CCDC171: variants seen among roughly 807,000 people sequenced by gnomAD.
CCDC171 encodes the protein coiled-coil domain containing 171.
Under a neutral mutation model 168.2 loss-of-function variants are expected in CCDC171, and 177 were observed. That is an observed-to-expected ratio of 1.05 (90% CI 0.93 to 1.19). The LOEUF (loss-of-function observed/expected upper bound fraction) is 1.19, where lower values mean the gene tolerates loss of function less well. Ranked by LOEUF, CCDC171 falls within the 50% of genes most tolerant of loss-of-function variation. The pLI, the probability that CCDC171 is intolerant of heterozygous loss-of-function variation, is 0.00. For synonymous variants in CCDC171, 687 were observed against 540.8 expected (o/e 1.27, Z -3.75); for missense variants, 1,991 against 1,539.0 (o/e 1.29, Z -4.91).
At position 15,972,506 on chromosome 9, in the gene CCDC171, A is replaced by T. The variant is rs1831450305; in HGVS notation, c.*670A>T. On this transcript the variant is annotated 3_prime_UTR_variant, in exon 26 of 26. Transcript: ENST00000380701. ...AATCTGGTCCCTGAAGGCACTGAAA[A>T]CTCATTCTTTTAGCAAGTCTGCATT... The T allele has an allele frequency of 6.6e-6, 1 of 152,138 alleles. No homozygotes were observed. Among genetic ancestry groups the T allele is most frequent in the South Asian group, 2.1e-4 (1 of 4,832 alleles). 9.4% of individuals were successfully genotyped at this position (152,138 alleles called of 1,614,324 possible).
chr9:15,810,991 A>C lies in CCDC171; in HGVS notation c.3267+26297A>C, dbSNP rs112545559. Among the ~76,000 whole-genome samples the C allele has an allele frequency of 9.9e-3, 1,501 of 152,378 alleles. 16 individuals are homozygous for C. The highest frequency in any genetic ancestry group is 0.033 in the South Asian group (158 of 4,830). On this transcript the variant is annotated intron_variant, in intron 21 of 25. Coordinates refer to ENST00000380701, the MANE Select transcript of CCDC171 (RefSeq NM_173550.4). ...CACATGGCAAGTGCTCACTAGTTTC[A>C]TGTGGCTAGTAACTGTCATATCAGC... is the stretch of plus-strand genomic sequence containing the variant.
At chr9:15,842,280 TA>T (rs2060711696) in intron 21 of CCDC171, among the ~76,000 whole-genome samples, 1 of 152,034 alleles carries the variant, frequency 6.6e-6, no homozygotes, top group East Asian at 1.9e-4. Context: ...CTTAGCGGCC[TA>T]ATGGTCTAAA....
Position 15,880,626 on chromosome 9 carries a change from GTTTTTTTT to G in CCDC171, c.3600+5977_3600+5984del, listed in dbSNP as rs57349228. ...CATGTGCCACCATGCCCGCCTAATT[GTTTTTTTT>G]TTTTTTTTTTTTTGTAATTTTAGCA... On this transcript the variant is annotated intron_variant, in intron 24 of 25. Coordinates refer to ENST00000380701, the MANE Select transcript of CCDC171 (RefSeq NM_173550.4). 1.0e-4 allele frequency among the ~76,000 whole-genome samples: 12 copies of G among 116,082 alleles called. No individual in the cohort carries two copies. In the East Asian group the frequency reaches 2.8e-3, roughly 27 times the overall value. 76.2% of individuals were successfully genotyped at this position (116,082 alleles called of 152,430 possible).
chr9:15,906,105 C>T (rs950423718), intron 24 of CCDC171, among the ~76,000 whole-genome samples: 2 of 152,198 alleles, frequency 1.3e-5, no homozygotes, highest in African/African-American at 4.8e-5. Flanking sequence ...CAAGGAGGAG[C>T]TGTTACCATT....
the CCDC171 span, among the ~76,000 whole-genome samples, chr9:16,094,589 G>T: frequency 6.6e-6 from 1 of 152,264 alleles, no homozygotes; most frequent in African/African-American, 2.4e-5. Context: ...AGGAAAAGAA[G>T]TTATTTGGGA....
chr9:15,591,272 G>A (rs368481172), intron 4 of CCDC171, 94 bp from the exon 5 acceptor site: 2 of 707,762 alleles, frequency 2.8e-6, no homozygotes, highest in Non-Finnish European at 4.8e-6. Flanking sequence ...CTAAGATCAT[G>A]CTGTAAATGA....
At position 15,745,580 on chromosome 9, in the gene CCDC171, G is replaced by A. The variant is rs2055213160; in HGVS notation, c.2620G>A (p.Ala874Thr). Reference protein sequence around the residue: ...LSWLTSSDLLAAIISSMAELQ... With the variant: ...LSWLTSSDLLTAIISSMAELQ... ...TTGGCTCACCAGTTCTGACCTTCTT[G>A]CTGCAATAATCAGTTCTATGGCTGA... Residue 874 changes from alanine to threonine, a missense_variant, in exon 18 of 26, where the codon GCT (alanine) becomes ACT (threonine). By Grantham distance (58) the Ala-to-Thr change is moderately conservative (BLOSUM62 0). Transcript: ENST00000380701. The A allele has an allele frequency of 6.3e-7, 1 of 1,590,600 alleles. No homozygotes were observed. The highest frequency in any genetic ancestry group is 1.8e-5 in the Admixed American group (1 of 55,692).
chr9:15,804,235 C>A (rs1412759158), intron 21 of CCDC171, among the ~76,000 whole-genome samples: 2 of 151,982 alleles, frequency 1.3e-5, no homozygotes, highest in East Asian at 1.9e-4. Flanking sequence ...CTTTGTCTTG[C>A]CTGATTGCCC....
rs1281253460 is a variant in CCDC171, at chr9:15,818,038, A to G, written c.3268-28664A>G. On this transcript the variant is annotated intron_variant, in intron 21 of 25. Coordinates refer to ENST00000380701, the MANE Select transcript of CCDC171 (RefSeq NM_173550.4). ...AGGCAGCAGCATTTGCGGTTCACTA[A>G]CATCTGCTGTTCTGCAGCCACCACT... is the stretch of plus-strand genomic sequence containing the variant. Among the ~76,000 whole-genome samples the G allele has an allele frequency of 4.3e-5, 5 of 117,056 alleles. 1 individual carries two copies. Among genetic ancestry groups the G allele is most frequent in the African/African-American group, 9.7e-5 (3 of 31,014 alleles). 76.8% of individuals were successfully genotyped at this position (117,056 alleles called of 152,430 possible). A position where few individuals can be genotyped will look rare whatever the true frequency, so the allele number is the denominator to read the frequency against.
At chr9:16,029,340 G>A (rs1021452007) in intron 6 of CCDC171, among the ~76,000 whole-genome samples, 14 of 152,234 alleles carry the variant, frequency 9.2e-5, no homozygotes, top group African/African-American at 3.4e-4. Context: ...CTGTGATCCT[G>A]ATGTTCCCTC....
chr9:16,090,154 C>T, the CCDC171 span, among the ~76,000 whole-genome samples: 3 of 152,018 alleles, frequency 2.0e-5, no homozygotes, highest in African/African-American at 4.8e-5. Context: ...ACAATAGCAA[C>T]GATTTGGAAC....
At chr9:15,913,990 A>G (rs903408712) in intron 24 of CCDC171, among the ~76,000 whole-genome samples, 1 of 152,176 alleles carries the variant, frequency 6.6e-6, no homozygotes. Context: ...AACAGCAAAG[A>G]TTGCTGCCTG....
Position 15,623,384 on chromosome 9 carries a change from C to G in CCDC171, c.793C>G (p.Arg265Gly). The G allele has an allele frequency of 1.2e-6, 2 of 1,604,712 alleles. No individual in the cohort carries two copies. The highest frequency in any genetic ancestry group is 2.3e-5 in the East Asian group (1 of 44,364). The change falls in exon 7 of 26, where the codon CGA (arginine) becomes GGA (glycine). Residue 265 changes from arginine to glycine, a missense_variant. Physicochemically the swap from Arg to Gly is moderately radical, Grantham distance 125. Transcript: ENST00000380701. ...QTSELEFSTQ[R>G]EERLRKEFEA... ...AAGTGAACTTGAATTTAGCACTCAACGAGAGGAACGCCTTAGAAAAGAATT... is the reference window on the plus strand; with the variant it reads ...AAGTGAACTTGAATTTAGCACTCAAGGAGAGGAACGCCTTAGAAAAGAATT...
At chr9:15,614,657 T>C (rs2043954049) in intron 6 of CCDC171, among the ~76,000 whole-genome samples, 1 of 152,242 alleles carries the variant, frequency 6.6e-6, no homozygotes, top group Non-Finnish European at 1.5e-5. Flanking sequence ...CCCATTTCTC[T>C]TAGGTTGCCC....
chr9:16,007,096 G>T (rs1447826293), intron 3 of CCDC171, among the ~76,000 whole-genome samples: 1 of 152,120 alleles, frequency 6.6e-6, no homozygotes, highest in Non-Finnish European at 1.5e-5. Context: ...AGCACCCATT[G>T]TTTCCTGACT....
intron 6 of CCDC171, among the ~76,000 whole-genome samples, chr9:15,618,964 C>G (rs1461361372): frequency 2.6e-5 from 4 of 151,966 alleles, no homozygotes; most frequent in Admixed American, 2.6e-4. Context: ...CCATCGTGGC[C>G]CCTCCCCGCC....
At chr9:15,778,358 G>A (rs900256927) in intron 19 of CCDC171, among the ~76,000 whole-genome samples, 1 of 133,012 alleles carries the variant, frequency 7.5e-6, no homozygotes, top group Non-Finnish European at 1.6e-5. Context: ...AAAATCACTG[G>A]CCAGGCGCGG....
intron 23 of CCDC171, among the ~76,000 whole-genome samples, chr9:15,859,666 TG>T (rs2061480978): frequency 1.3e-5 from 2 of 148,928 alleles, no homozygotes; most frequent in Admixed American, 1.3e-4. Flanking sequence ...TGTTTTGTTT[TG>T]TTTTTTTGAG....
At chr9:16,037,918 G>A (rs906310222), upstream of CCDC171, among the ~76,000 whole-genome samples, 1 of 152,118 alleles carries the variant, frequency 6.6e-6, no homozygotes, top group Non-Finnish European at 1.5e-5. Flanking sequence ...TTTTTACAAT[G>A]TCTAAAAGAT....
Sources: gnomAD v4.1 joint callset for allele counts (sites outside exome capture counted in the v4.1 genomes callset) on GRCh38, gnomAD v4.1.1 for gene constraint, MANE v1.5 for transcripts, NCBI Gene and HGNC (gene_info 2026-07-23, HGNC 2026-07-21) for gene names.